The following SELENOP variants were observed in gnomAD, a reference collection of about 807,000 sequenced individuals.
SELENOP encodes selenoprotein P, plasma, 1.
In SELENOP, 36 loss-of-function variants were observed where a neutral mutation model predicts 41.0. That is an observed-to-expected ratio of 0.88 (90% CI 0.67 to 1.16). The LOEUF is 1.16. SELENOP is among the 50% of genes most tolerant of loss of function. The pLI is 0.00. For missense variants in SELENOP, 440 were observed against 454.2 expected (o/e 0.97, Z 0.28); for synonymous variants, 144 against 150.8 (o/e 0.95, Z 0.33).
intron 1 of SELENOP, chr5:42,810,693 C>T (rs1350794645): frequency 1.9e-5 from 7 of 369,568 alleles, no homozygotes; most frequent in Middle Eastern, 3.9e-4. Context: ...CTCCTCACCT[C>T]GTGATCCGCC....
chr5:42,800,784 G>A lies in SELENOP; in HGVS notation c.1082C>T (p.Thr361Ile). ...AUQISQQLIP[T>I]EASASURUKN... ...TCAGCGTCAACTGGCACTGGCTTCTGTGGGTATAAGCTGCTGACTTATTTG... is the reference window on the plus strand; with the variant it reads ...TCAGCGTCAACTGGCACTGGCTTCTATGGGTATAAGCTGCTGACTTATTTG... Residue 361 changes from threonine (T) to isoleucine (I), a missense_variant, in exon 5 of 5, where the codon ACA becomes ATA. By Grantham distance (89) the Thr-to-Ile change is moderately conservative (BLOSUM62 -1). Transcript: ENST00000514985. 19 of 1,613,868 alleles carry A rather than the reference G, an allele frequency of 1.2e-5. No homozygotes were observed. Among genetic ancestry groups the A allele is most frequent in the Non-Finnish European group, 1.6e-5 (19 of 1,179,802 alleles).
Position 42,800,688 on chromosome 5 carries a change from C to G in SELENOP, c.*32G>C, listed in dbSNP as rs375257526. On this transcript the variant is annotated 3_prime_UTR_variant, in exon 5 of 5. Transcript: ENST00000514985. ...TGCTGGAAATGAAATTGTGTCTAGA[C>G]TAAATTGGGGAGTATGTCCTATTTT... The G allele has an allele frequency of 1.0e-4, 158 of 1,542,700 alleles. No individual in the cohort carries two copies. Among genetic ancestry groups the G allele is most frequent in the Non-Finnish European group, 1.2e-4 (136 of 1,145,138 alleles).
At chr5:42,802,005 G>T (rs1217996471) in intron 4 of SELENOP, 4 of 152,118 alleles carry the variant, frequency 2.6e-5, no homozygotes, top group African/African-American at 9.7e-5. Context: ...AATACTATAT[G>T]ATACTGTAAT....
chr5:42,807,890 T>A (rs952206369), intron 2 of SELENOP: 2 of 231,222 alleles, frequency 8.6e-6, no homozygotes, highest in African/African-American at 4.5e-5. Flanking sequence ...ATTACACAAG[T>A]AATACATATT....
Position 42,807,131 on chromosome 5 carries a change from C to T in SELENOP, c.204-23G>A, listed in dbSNP as rs1760350272. 3.5e-6 allele frequency: 4 copies of T among 1,153,598 alleles called. No homozygotes were observed. In the East Asian group the frequency reaches 7.1e-5, roughly 21 times the overall value. The allele number at this position is 1,153,598 out of a possible 1,614,324, so 71.5% of individuals were successfully genotyped here. ...AATCTAAAATATTTGGGAAGAAATA[C>T]ATAAAATGAATAATCTCATTTGATT... is the stretch of plus-strand genomic sequence containing the variant. On this transcript the variant is annotated intron_variant, in intron 2 of 4. Coordinates refer to ENST00000514985, the MANE Select transcript of SELENOP (RefSeq NM_005410.4).
intron 3 of SELENOP, chr5:42,806,533 TAGGCAGAA>T (rs1303819257): frequency 5.9e-6 from 1 of 168,354 alleles, no homozygotes; most frequent in Non-Finnish European, 1.3e-5. Flanking sequence ...AGAGTGTGAA[TAGGCAGAA>T]AGCTGTATAG....
At position 42,800,647 on chromosome 5, in the gene SELENOP, T is replaced by C. The variant is rs1319739173; in HGVS notation, c.*73A>G. The C allele has an allele frequency of 1.4e-6, 2 of 1,480,878 alleles. No homozygotes were observed. Among genetic ancestry groups the C allele is most frequent in the Non-Finnish European group, 9.0e-7 (1 of 1,105,818 alleles). 91.7% of individuals were successfully genotyped at this position (1,480,878 alleles called of 1,614,324 possible). A position where few individuals can be genotyped will look rare whatever the true frequency, so the allele number is the denominator to read the frequency against. On this transcript the variant is annotated 3_prime_UTR_variant, in exon 5 of 5. Transcript: ENST00000514985. ...AATTTCTATTTTTGGTTCACTAATTTGGTAGTTTATAAAAATGCTGGAAAT... is the reference window on the plus strand; with the variant it reads ...AATTTCTATTTTTGGTTCACTAATTCGGTAGTTTATAAAAATGCTGGAAAT...
chr5:42,802,389 T>A (rs1020361679), intron 4 of SELENOP: 3 of 152,210 alleles, frequency 2.0e-5, no homozygotes, highest in African/African-American at 4.8e-5. Flanking sequence ...CTTTTGATGT[T>A]TTGAAGGTTT....
chr5:42,804,275 C>T (rs531223536), intron 4 of SELENOP, among the ~76,000 whole-genome samples: 2 of 152,284 alleles, frequency 1.3e-5, no homozygotes, highest in African/African-American at 4.8e-5. Context: ...TCCTGGCTAA[C>T]ACAGTGAAAC....
intron 4 of SELENOP, chr5:42,801,544 T>C (rs1760203353): frequency 8.4e-6 from 4 of 477,566 alleles, no homozygotes; most frequent in African/African-American, 4.0e-5. Context: ...ACTGTACTTA[T>C]ATTTGCAGAA....
chr5:42,809,294 TA>T (rs1760410142), intron 1 of SELENOP, among the ~76,000 whole-genome samples: 1 of 152,178 alleles, frequency 6.6e-6, no homozygotes, highest in Admixed American at 6.5e-5. Context: ...CTTTCTTTGG[TA>T]AAAAGATGCT....
chr5:42,800,608 G>T lies in SELENOP; in HGVS notation c.*112C>A. 3 of 1,293,452 alleles carry T rather than the reference G, an allele frequency of 2.3e-6. No individual in the cohort carries two copies. The highest frequency in any genetic ancestry group is 2.1e-6 in the Non-Finnish European group (2 of 948,032). 80.1% of individuals were successfully genotyped at this position (1,293,452 alleles called of 1,614,324 possible). On this transcript the variant is annotated 3_prime_UTR_variant, in exon 5 of 5. Transcript: ENST00000514985. The stretch of plus-strand genomic sequence containing the variant: ...AAGCCAATTCAGTAGATTTCTCCAT[G>T]TTTGCACAAATCTAATTTCTATTTT...
chr5:42,801,611 C>A, intron 4 of SELENOP: 1 of 442,964 alleles, frequency 2.3e-6, no homozygotes. Flanking sequence ...AAAGTAATAT[C>A]AAATCCTAAA....
intron 4 of SELENOP, 100 bp from the exon 5 acceptor site, chr5:42,801,431 T>G: frequency 2.3e-6 from 2 of 881,716 alleles, no homozygotes; most frequent in Non-Finnish European, 3.5e-6. Context: ...TCCAACTAGT[T>G]AATTAGAATC....
chr5:42,804,256 T>C (rs943636459), intron 4 of SELENOP, among the ~76,000 whole-genome samples: 6 of 152,158 alleles, frequency 3.9e-5, no homozygotes, highest in Non-Finnish European at 5.9e-5. Context: ...GGGCTGGAGA[T>C]CGAGACCATC....
intron 4 of SELENOP, 21 bp from the exon 5 acceptor site, chr5:42,801,352 A>G (rs772959843): frequency 6.4e-7 from 1 of 1,554,896 alleles, no homozygotes; most frequent in African/African-American, 1.4e-5. Flanking sequence ...TTTATAAATC[A>G]CTTTTTAACA....
intron 1 of SELENOP, among the ~76,000 whole-genome samples, chr5:42,809,000 G>C (rs917801090): frequency 1.6e-4 from 25 of 151,820 alleles, no homozygotes; most frequent in Admixed American, 3.9e-4. Context: ...AGCAAAAAAA[G>C]AGAACCAAGG....
rs927415444 is a variant in SELENOP at position 42,800,437 on chromosome 5, G to A, written c.*283C>T. On this transcript the variant is annotated 3_prime_UTR_variant, in exon 5 of 5. Transcript: ENST00000514985. Reference sequence around the variant, plus strand: ...CAGAAACCCCTAGGTCATAGTTTACGTTTCTATTCTCATTAAAGCAAATAG... The same window carrying A: ...CAGAAACCCCTAGGTCATAGTTTACATTTCTATTCTCATTAAAGCAAATAG... 2.6e-5 allele frequency: 7 copies of A among 273,312 alleles called. No homozygotes were observed. The highest frequency in any genetic ancestry group is 2.3e-4 in the East Asian group (3 of 13,220). The allele number at this position is 273,312 out of a possible 1,614,324, so 16.9% of individuals were successfully genotyped here.
rs556850971 is a variant in SELENOP at position 42,800,362 on chromosome 5, A to G, written c.*358T>C. Reference sequence around the variant, plus strand: ...GAGAGATAAGTAAAGAAAAAAATGGAAAGCATGTCTTTGTTGTTCTTCCTC... The same window carrying G: ...GAGAGATAAGTAAAGAAAAAAATGGGAAGCATGTCTTTGTTGTTCTTCCTC... On this transcript the variant is annotated 3_prime_UTR_variant, in exon 5 of 5. Transcript: ENST00000514985. The G allele has an allele frequency of 1.1e-4, 18 of 171,214 alleles. No homozygotes were observed. The highest frequency in any genetic ancestry group is 2.0e-4 in the Non-Finnish European group (16 of 81,286). The allele number at this position is 171,214 out of a possible 1,614,324, so 10.6% of individuals were successfully genotyped here.
Sources: allele counts gnomAD v4.1 joint callset (sites outside exome capture counted in the v4.1 genomes callset), GRCh38; gene constraint gnomAD v4.1.1; transcripts MANE v1.5; gene names NCBI Gene and HGNC (gene_info 2026-07-23, HGNC 2026-07-21).